Variants in ACSL5 observed in about 807,000 individuals in gnomAD.
The protein encoded by ACSL5 is long-chain-fatty-acid--CoA ligase 5.
ACSL5 carries 50 observed loss-of-function variants against 84.9 expected under a neutral mutation model. That is an observed-to-expected ratio of 0.59 (90% CI 0.47 to 0.75). The LOEUF is 0.75. Among genes scored for constraint, ACSL5 ranks in the 30% least tolerant of loss-of-function variants. The pLI, the probability that ACSL5 is intolerant of heterozygous loss-of-function variation, is 0.00. For synonymous variants in ACSL5, 280 were observed against 300.7 expected (o/e 0.93, Z 0.71); for missense variants, 775 against 830.4 (o/e 0.93, Z 0.82).
chr10:112,374,662 G>C (rs1175682675), intron 1 of ACSL5, among the ~76,000 whole-genome samples: 1 of 152,206 alleles, frequency 6.6e-6, no homozygotes, highest in Non-Finnish European at 1.5e-5. Flanking sequence ...GGCAGACAGA[G>C]AGGAAGGGAA....
intron 17 of ACSL5, among the ~76,000 whole-genome samples, chr10:112,423,753 G>T (rs1012335347): frequency 6.6e-6 from 1 of 152,138 alleles, no homozygotes; most frequent in South Asian, 2.1e-4. Context: ...GAAAAATTAG[G>T]TGACTTCTCT....
intron 1 of ACSL5, among the ~76,000 whole-genome samples, chr10:112,394,545 C>T (rs1843704257): frequency 6.6e-6 from 1 of 152,170 alleles, no homozygotes; most frequent in African/African-American, 2.4e-5. Context: ...GAGGTACTGT[C>T]CTCTGACCAT....
intron 12 of ACSL5, among the ~76,000 whole-genome samples, chr10:112,416,210 G>A (rs568755418): frequency 9.2e-5 from 14 of 152,244 alleles, no homozygotes; most frequent in African/African-American, 3.1e-4. Flanking sequence ...GGTGGCTCAC[G>A]CCTGTAATCC....
chr10:112,419,621 G>A (rs1216435665), intron 14 of ACSL5: 1 of 152,068 alleles, frequency 6.6e-6, no homozygotes, highest in African/African-American at 2.4e-5. Context: ...AAAAAGTTTT[G>A]GATTTTGGAA....
Position 112,417,948 on chromosome 10 carries a change from C to T in ACSL5, c.1314+7C>T. On this transcript the variant is annotated splice_region_variant and intron_variant, in intron 14 of 20. Transcript: ENST00000354655. ...GGCAGCAATGGGATGTCAGGTAAGC[C>T]AAGCACCTTCTTTGAGAATAGGCTA... 1 of 1,588,282 alleles carries T rather than the reference C, an allele frequency of 6.3e-7. No homozygotes were observed. Among genetic ancestry groups the T allele is most frequent in the Non-Finnish European group, 8.6e-7 (1 of 1,166,442 alleles).
intron 1 of ACSL5, among the ~76,000 whole-genome samples, chr10:112,392,876 C>T (rs1843673707): frequency 6.6e-6 from 1 of 152,044 alleles, no homozygotes; most frequent in Non-Finnish European, 1.5e-5. Context: ...AGTTGTGCCA[C>T]TGCACTCCAG....
chr10:112,401,828 CTTTCTTTCTTT>C (rs1564736445), intron 3 of ACSL5, among the ~76,000 whole-genome samples: 38 of 108,850 alleles, frequency 3.5e-4, no homozygotes, highest in East Asian at 5.5e-4. Flanking sequence ...TTCTTTCTTT[CTTTCTTTCTTT>C]CTTCCTTCCT....
At chr10:112,377,450 C>T (rs1355704784) in intron 1 of ACSL5, among the ~76,000 whole-genome samples, 1 of 152,156 alleles carries the variant, frequency 6.6e-6, no homozygotes, top group African/African-American at 2.4e-5. Flanking sequence ...AGGACAATTG[C>T]TTGAACCTAG....
chr10:112,418,378 G>A (rs1488330467), intron 14 of ACSL5, among the ~76,000 whole-genome samples: 17 of 152,224 alleles, frequency 1.1e-4, no homozygotes, highest in African/African-American at 4.1e-4. Context: ...TCAGGAGATA[G>A]AGACCATCCT....
intron 17 of ACSL5, 45 bp downstream of exon 17, chr10:112,422,486 GAGA>G (rs1301366029): frequency 2.6e-6 from 4 of 1,528,244 alleles, no homozygotes; most frequent in East Asian, 4.5e-5. Flanking sequence ...CTAATGGACT[GAGA>G]AGAACAATCT....
chr10:112,421,501 G>A, intron 14 of ACSL5, 92 bp from the exon 15 acceptor site: 1 of 1,161,736 alleles, frequency 8.6e-7, no homozygotes, highest in Admixed American at 1.7e-5. Flanking sequence ...CGAACCCTTA[G>A]AGACCTTGCT....
chr10:112,411,024 T>C (rs1844164649), intron 9 of ACSL5, among the ~76,000 whole-genome samples: 1 of 152,140 alleles, frequency 6.6e-6, no homozygotes, highest in Non-Finnish European at 1.5e-5. Flanking sequence ...GTTAGAATGC[T>C]TAATAGTTTT....
At chr10:112,379,414 G>GAA (rs5787960) in intron 1 of ACSL5, among the ~76,000 whole-genome samples, 12,607 of 141,684 alleles carry the variant, frequency 0.089, 657 homozygotes, top group Non-Finnish European at 0.11. Context: ...TCAAAAAAAA[G>GAA]AAAAAAAAAA....
At chr10:112,411,411 TTAGCTACA>T in intron 9 of ACSL5, 37 bp from the exon 10 acceptor site, 1 of 1,514,426 alleles carries the variant, frequency 6.6e-7, no homozygotes, top group Non-Finnish European at 9.2e-7. Context: ...AGGCTACCTA[TTAGCTACA>T]TAAAGTATCT....
chr10:112,413,480 C>G (rs1403288265), intron 12 of ACSL5, among the ~76,000 whole-genome samples, 173 bp downstream of exon 12: 1 of 152,114 alleles, frequency 6.6e-6, no homozygotes, highest in Non-Finnish European at 1.5e-5. Context: ...GATCTCAGCA[C>G]TTTGGGAGGC....
intron 1 of ACSL5, among the ~76,000 whole-genome samples, chr10:112,381,082 T>C (rs1849339633): frequency 6.6e-6 from 1 of 152,168 alleles, no homozygotes. Context: ...ATCATCATCC[T>C]TGCCCCTGGA....
chr10:112,398,917 G>A lies in ACSL5; in HGVS notation c.173G>A (p.Gly58Glu). ...SVGIEGGARK[G>E]VSQKNNDLTS... ...GTGTCTTAGGGAGGAGCACGGAAGG[G>A]GGTTTCCCAGAAGAACAATGACCTA... The change falls in exon 3 of 21, where the codon GGG (glycine) becomes GAG (glutamate). Residue 58 changes from glycine (G) to glutamate (E), a missense_variant. Coordinates refer to ENST00000354655, the MANE Select transcript of ACSL5 (RefSeq NM_203379.2). 6.2e-7 allele frequency: 1 copy of A among 1,614,066 alleles called. No homozygotes were observed.
chr10:112,420,767 G>C (rs1290259566), intron 14 of ACSL5, among the ~76,000 whole-genome samples: 1 of 151,754 alleles, frequency 6.6e-6, no homozygotes, highest in South Asian at 2.1e-4. Context: ...TGTCACCCAG[G>C]CTGGAGTGCA....
At chr10:112,376,179 C>T in intron 1 of ACSL5, 1 of 1,291,886 alleles carries the variant, frequency 7.7e-7, no homozygotes, top group Non-Finnish European at 1.1e-6. Context: ...CTTCCACTTT[C>T]AGTTGTGAAA....
Sources: gnomAD v4.1 joint callset for allele counts (sites outside exome capture counted in the v4.1 genomes callset) on GRCh38, gnomAD v4.1.1 for gene constraint, MANE v1.5 for transcripts, NCBI Gene and HGNC (gene_info 2026-07-23, HGNC 2026-07-21) for gene names.